The following CADM2 variants were observed in gnomAD, a reference collection of about 807,000 sequenced individuals.
CADM2 encodes the protein cell adhesion molecule 2.
Under a neutral mutation model 49.8 loss-of-function variants are expected in CADM2, and 12 were observed. The ratio of observed to expected loss-of-function variants is 0.24; its 90% confidence interval spans 0.15 to 0.39. The LOEUF (loss-of-function observed/expected upper bound fraction) is 0.39, where lower values mean the gene tolerates loss of function less well. CADM2 is among the 10% of genes least tolerant of loss of function. The pLI is 1.00. For missense variants in CADM2, 378 were observed against 492.3 expected, an observed-to-expected ratio of 0.77 and a Z score of 2.20; for synonymous variants, 214 against 175.4, an observed-to-expected ratio of 1.22 and a Z score of -1.74.
chr3:85,111,681 T>C (rs540621694), intron 1 of CADM2, among the ~76,000 whole-genome samples: 3 of 151,914 alleles, frequency 2.0e-5, no homozygotes, highest in Non-Finnish European at 4.4e-5. Context: ...AGACCTACTA[T>C]TTGATAGCAC....
intron 8 of CADM2, among the ~76,000 whole-genome samples, chr3:86,035,796 T>C (rs571086201): frequency 1.8e-4 from 27 of 152,224 alleles, no homozygotes; most frequent in African/African-American, 6.3e-4. Flanking sequence ...CTCAAGTTGC[T>C]TTAATAAAAT....
intron 1 of CADM2, among the ~76,000 whole-genome samples, chr3:85,239,987 A>C (rs1321989616): frequency 1.3e-5 from 2 of 151,434 alleles, no homozygotes. Flanking sequence ...CAGGGAAAGT[A>C]TCTTTATAGT....
intron 1 of CADM2, among the ~76,000 whole-genome samples, chr3:85,604,308 T>C (rs1182374623): frequency 2.0e-5 from 3 of 151,930 alleles, no homozygotes; most frequent in Non-Finnish European, 4.4e-5. Context: ...GTTCTGAGGC[T>C]TAATCTCATC....
At chr3:86,013,296 T>C in intron 8 of CADM2, 2 of 1,533,472 alleles carry the variant, frequency 1.3e-6, no homozygotes, top group South Asian at 1.1e-5. Context: ...TGAGGACATT[T>C]TACCTCTATC....
chr3:85,921,337 TACAC>T (rs1719083380), intron 6 of CADM2, among the ~76,000 whole-genome samples: 1 of 151,812 alleles, frequency 6.6e-6, no homozygotes, highest in South Asian at 2.1e-4. Context: ...CACACAGACA[TACAC>T]ACAATTTCCA....
At chr3:85,604,292 C>A (rs548622996) in intron 1 of CADM2, among the ~76,000 whole-genome samples, 198 of 152,002 alleles carry the variant, frequency 1.3e-3, no homozygotes, top group Non-Finnish European at 2.4e-3. Context: ...ACGTGACTAT[C>A]ATAAGGTTCT....
chr3:85,793,533 A>G (rs2071457215), intron 2 of CADM2, among the ~76,000 whole-genome samples: 1 of 152,148 alleles, frequency 6.6e-6, no homozygotes, highest in Non-Finnish European at 1.5e-5. Context: ...CTCTATGGAG[A>G]AAATCATTGA....
rs184019613 is a variant in CADM2, at chr3:84,993,511, A to G, written c.61+33843A>G. Among the ~76,000 whole-genome samples, 105 of 152,272 alleles carry G rather than the reference A, an allele frequency of 6.9e-4. 1 individual carries two copies. The highest frequency in any genetic ancestry group is 6.6e-3 in the Admixed American group (101 of 15,286). On this transcript the variant is annotated intron_variant, in intron 1 of 9. Transcript: ENST00000383699. The stretch of plus-strand genomic sequence containing the variant: ...GTCCTAGTTGACCCTGTAATCGTCA[A>G]CTTTAAAGAGTAAATCTTGAGCAAC...
chr3:85,452,916 C>T (rs1386822460), intron 1 of CADM2, among the ~76,000 whole-genome samples: 5 of 152,200 alleles, frequency 3.3e-5, no homozygotes, highest in East Asian at 3.9e-4. Context: ...CATACAAAGG[C>T]ATGCAGACTT....
intron 6 of CADM2, among the ~76,000 whole-genome samples, chr3:85,930,372 C>A (rs1021088723): frequency 6.6e-6 from 1 of 151,948 alleles, no homozygotes; most frequent in African/African-American, 2.4e-5. Flanking sequence ...TGTTTTGATA[C>A]AGGCATGCAA....
chr3:85,966,724 G>A (rs1387821964), intron 8 of CADM2, among the ~76,000 whole-genome samples: 2 of 151,504 alleles, frequency 1.3e-5, no homozygotes, highest in African/African-American at 2.4e-5. Flanking sequence ...AGCTTATCAC[G>A]ATTTCTGATA....
chr3:85,232,134 A>ATATTATTAT lies in CADM2; in HGVS notation c.61+272489_61+272497dup, dbSNP rs10575918. On this transcript the variant is annotated intron_variant, in intron 1 of 9. Coordinates refer to ENST00000383699, the MANE Select transcript of CADM2 (RefSeq NM_001167675.2). ...TTGTGTTATTTTGTTCGATTTGAAG[A>ATATTATTAT]TATTATTATTATTATTATTATTATT... Among the ~76,000 whole-genome samples, 29 of 146,354 alleles carry ATATTATTAT rather than the reference A, an allele frequency of 2.0e-4. 1 individual carries two copies. The highest frequency in any genetic ancestry group is 6.7e-4 in the African/African-American group (27 of 40,240).
chr3:85,821,399 T>G (rs1446346287), intron 3 of CADM2, among the ~76,000 whole-genome samples: 1 of 152,174 alleles, frequency 6.6e-6, no homozygotes, highest in Non-Finnish European at 1.5e-5. Flanking sequence ...ACCTGCAAGT[T>G]ATTTTAAGTC....
intron 1 of CADM2, among the ~76,000 whole-genome samples, chr3:85,697,462 TAGTAAC>T (rs956998192): frequency 2.0e-5 from 3 of 152,112 alleles, no homozygotes; most frequent in Admixed American, 2.0e-4. Flanking sequence ...AATTGAATAT[TAGTAAC>T]AGTAAAACAA....
At chr3:85,305,677 C>A (rs9309972) in intron 1 of CADM2, among the ~76,000 whole-genome samples, 1 of 151,724 alleles carries the variant, frequency 6.6e-6, no homozygotes, top group East Asian at 1.9e-4. Context: ...TGTAGTACAA[C>A]AGTTTCACCA....
chr3:84,982,702 C>CATATGTATATAT lies in CADM2; in HGVS notation c.61+23038_61+23039insGTATATATATAT, dbSNP rs1177661723. 3.4e-3 allele frequency among the ~76,000 whole-genome samples: 263 copies of CATATGTATATAT among 76,318 alleles called. 5 individuals carry two copies. The highest frequency in any genetic ancestry group is 0.022 in the Middle Eastern group (2 of 90). The allele number at this position is 76,318 out of a possible 152,430, so 50.1% of individuals were successfully genotyped here. Reference sequence around the variant, plus strand: ...GACATATAGATTGAAAACTATAAAGCATATATATATATATATATATATATA... The same window carrying CATATGTATATAT: ...GACATATAGATTGAAAACTATAAAGCATATGTATATATATATATATATATATATATATATATA... On this transcript the variant is annotated intron_variant, in intron 1 of 9. Coordinates refer to ENST00000383699, the MANE Select transcript of CADM2 (RefSeq NM_001167675.2).
At chr3:85,503,423 G>T (rs1210782476) in intron 1 of CADM2, among the ~76,000 whole-genome samples, 1 of 152,070 alleles carries the variant, frequency 6.6e-6, no homozygotes, top group African/African-American at 2.4e-5. Context: ...TAAAGCTAAG[G>T]ATTTTGGTCA....
chr3:85,314,167 C>A (rs2044411432), intron 1 of CADM2, among the ~76,000 whole-genome samples: 1 of 152,278 alleles, frequency 6.6e-6, no homozygotes, highest in African/African-American at 2.4e-5. Flanking sequence ...GGGTTACAGG[C>A]GTGAGCCACC....
chr3:85,922,236 T>C (rs1342444702), intron 6 of CADM2, among the ~76,000 whole-genome samples: 1 of 151,998 alleles, frequency 6.6e-6, no homozygotes, highest in Non-Finnish European at 1.5e-5. Flanking sequence ...TCCTTCTATA[T>C]TGTAATTATG....
Sources: gnomAD v4.1 joint callset for allele counts (sites outside exome capture counted in the v4.1 genomes callset) on GRCh38, gnomAD v4.1.1 for gene constraint, MANE v1.5 for transcripts, NCBI Gene and HGNC (gene_info 2026-07-23, HGNC 2026-07-21) for gene names.